Variants in ABCC2 observed in about 807,000 individuals in gnomAD.
ABCC2 encodes ATP-binding cassette sub-family C member 2.
ABCC2 carries 157 observed loss-of-function variants against 173.4 expected under a neutral mutation model. That is an observed-to-expected ratio of 0.91 (90% CI 0.80 to 1.03). ABCC2 has a LOEUF of 1.03. Among genes scored for constraint, ABCC2 ranks in the 50% least tolerant of loss-of-function variants. The probability of loss-of-function intolerance (pLI) is 0.00; values close to 1 mark genes in which losing one functional copy is unlikely to be tolerated. For missense variants in ABCC2, 1,822 were observed against 1,852.3 expected (o/e 0.98, Z 0.30); for synonymous variants, 657 against 693.5 (o/e 0.95, Z 0.83).
At chr10:99,851,380 T>C in intron 31 of ABCC2, 122 bp from the exon 32 acceptor site, 1 of 1,145,964 alleles carries the variant, frequency 8.7e-7, no homozygotes, top group South Asian at 1.2e-5. Flanking sequence ...TGTGGCTCAT[T>C]GATTTTCACT....
Position 99,819,093 on chromosome 10 carries a change from G to T in ABCC2, c.2444G>T (p.Arg815Leu). ...AACTTCATATTATTTTTATAGACTC[G>T]ACTCTTGGTTACACATAGCATGCAC... is the stretch of plus-strand genomic sequence containing the variant. Reference protein sequence around the residue: ...GPNGLLKGKTRLLVTHSMHFL... With the variant: ...GPNGLLKGKTLLLVTHSMHFL... The change falls in exon 19 of 32, where the codon CGA (arginine) becomes CTA (leucine). Residue 815 changes from arginine (R) to leucine (L), a missense_variant. Coordinates refer to ENST00000647814, the MANE Select transcript of ABCC2 (RefSeq NM_000392.5). 6.2e-7 allele frequency: 1 copy of T among 1,613,954 alleles called. No individual in the cohort carries two copies. Among genetic ancestry groups the T allele is most frequent in the South Asian group, 1.1e-5 (1 of 91,032 alleles).
chr10:99,796,630 AGCCAAGATTGC>A (rs1410716089), intron 6 of ABCC2, among the ~76,000 whole-genome samples: 4 of 152,174 alleles, frequency 2.6e-5, no homozygotes, highest in Non-Finnish European at 5.9e-5. Context: ...GGTTGCGGTG[AGCCAAGATTGC>A]GCTACTGCAC....
At chr10:99,818,262 A>G (rs931969229) in intron 17 of ABCC2, among the ~76,000 whole-genome samples, 2 of 152,108 alleles carry the variant, frequency 1.3e-5, no homozygotes, top group African/African-American at 4.8e-5. Flanking sequence ...TGTATTTATT[A>G]TATAGATCTA....
chr10:99,801,747 T>C (rs924566298), intron 9 of ABCC2, among the ~76,000 whole-genome samples: 3 of 152,246 alleles, frequency 2.0e-5, no homozygotes, highest in Admixed American at 6.5e-5. Context: ...TTCCTTTTTT[T>C]CTTCCATCAC....
intron 2 of ABCC2, among the ~76,000 whole-genome samples, chr10:99,792,009 T>A: frequency 6.6e-6 from 1 of 152,244 alleles, no homozygotes; most frequent in Non-Finnish European, 1.5e-5. Flanking sequence ...TCTGCAGACA[T>A]ATTTTAAAAC....
At chr10:99,812,540 AC>A (rs1248515857) in intron 15 of ABCC2, among the ~76,000 whole-genome samples, 1 of 152,226 alleles carries the variant, frequency 6.6e-6, no homozygotes, top group Non-Finnish European at 1.5e-5. Context: ...GTTCCAGGTG[AC>A]ACATTTAGTA....
chr10:99,827,354 C>A (rs1477245458), intron 19 of ABCC2, among the ~76,000 whole-genome samples: 1 of 152,126 alleles, frequency 6.6e-6, no homozygotes, highest in Non-Finnish European at 1.5e-5. Context: ...GATATATCAC[C>A]TCCTGTAATT....
intron 13 of ABCC2, among the ~76,000 whole-genome samples, chr10:99,809,039 G>A (rs1263498828): frequency 6.6e-6 from 1 of 152,126 alleles, no homozygotes; most frequent in East Asian, 1.9e-4. Context: ...CTGCATTCCT[G>A]GTCCTCAGGA....
intron 8 of ABCC2, among the ~76,000 whole-genome samples, chr10:99,799,979 A>G (rs1014094934): frequency 6.6e-6 from 1 of 152,214 alleles, no homozygotes; most frequent in Non-Finnish European, 1.5e-5. Flanking sequence ...AGGCAGGAAG[A>G]TTGTTTCAGG....
chr10:99,815,638 C>T (rs2038395540), intron 16 of ABCC2, among the ~76,000 whole-genome samples: 1 of 152,084 alleles, frequency 6.6e-6, no homozygotes, highest in Non-Finnish European at 1.5e-5. Flanking sequence ...AGAGGAGTAT[C>T]TATAGATTTT....
chr10:99,844,178 C>T (rs2038983525), intron 27 of ABCC2, 144 bp from the exon 28 acceptor site: 3 of 999,032 alleles, frequency 3.0e-6, no homozygotes, highest in African/African-American at 1.6e-5. Flanking sequence ...AAGTGCAAGT[C>T]TAGTTCAGCC....
chr10:99,820,409 C>A (rs202226998), intron 19 of ABCC2, among the ~76,000 whole-genome samples: 7 of 126,002 alleles, frequency 5.6e-5, no homozygotes, highest in African/African-American at 1.6e-4. Flanking sequence ...CACACACACA[C>A]AAAACACAAC....
At chr10:99,789,195 T>G (rs186786326) in intron 2 of ABCC2, 23 of 152,392 alleles carry the variant, frequency 1.5e-4, no homozygotes, top group African/African-American at 4.6e-4. Context: ...AGTTTTACTC[T>G]GGGACTAGTG....
chr10:99,797,659 A>G (rs2037941894), intron 7 of ABCC2: 1 of 347,216 alleles, frequency 2.9e-6, no homozygotes, highest in Admixed American at 4.1e-5. Context: ...ACTTGAAAAT[A>G]TTTATTGAGC....
At position 99,804,090 on chromosome 10, in the gene ABCC2, T is replaced by G; in HGVS notation, c.1281T>G (p.Asp427Glu). 1 of 1,614,202 alleles carries G rather than the reference T, an allele frequency of 6.2e-7. No homozygotes were observed. ...VGETVNLMSV[D>E]AQKLMDVTNF... ...AAACAGTGAACCTGATGTCTGTGGATGCCCAGAAGCTCATGGATGTGACCA... is the reference window on the plus strand; with the variant it reads ...AAACAGTGAACCTGATGTCTGTGGAGGCCCAGAAGCTCATGGATGTGACCA... Residue 427 changes from aspartate to glutamate, a missense_variant, in exon 10 of 32, where the codon GAT (aspartate) becomes GAG (glutamate). Physicochemically the swap from Asp to Glu is conservative, Grantham distance 45 (BLOSUM62 2). Transcript: ENST00000647814.
intron 24 of ABCC2, among the ~76,000 whole-genome samples, chr10:99,835,309 G>A (rs746250757): frequency 2.2e-4 from 33 of 152,102 alleles, no homozygotes; most frequent in Non-Finnish European, 4.3e-4. Context: ...TCACCATAGC[G>A]GCCTTTTAAC....
Position 99,797,131 on chromosome 10 carries a change from C to T in ABCC2, c.667C>T (p.Leu223Phe). 2 of 1,614,148 alleles carry T rather than the reference C, an allele frequency of 1.2e-6. No homozygotes were observed. The highest frequency in any genetic ancestry group is 2.7e-5 in the African/African-American group (2 of 75,036). ...GAAAGGCTACAAGCGTCCTCTGACA[C>T]TCGAGGATGTCTGGGAAGTTGATGA... is the stretch of plus-strand genomic sequence containing the variant. ...ILKGYKRPLT[L>F]EDVWEVDEEM... Residue 223 changes from leucine (L) to phenylalanine (F), a missense_variant, in exon 7 of 32, where the codon CTC (leucine) becomes TTC (phenylalanine). Leu to Phe is a conservative substitution (Grantham distance 22). Transcript: ENST00000647814.
At chr10:99,785,558 C>G (rs938535906) in intron 2 of ABCC2, among the ~76,000 whole-genome samples, 1 of 152,062 alleles carries the variant, frequency 6.6e-6, no homozygotes, top group African/African-American at 2.4e-5. Context: ...ACTCTGTTGC[C>G]CAGGCTGGAG....
intron 6 of ABCC2, among the ~76,000 whole-genome samples, chr10:99,794,887 TC>T (rs1474768791): frequency 6.6e-6 from 1 of 152,190 alleles, no homozygotes; most frequent in African/African-American, 2.4e-5. Context: ...CCATTTCTCT[TC>T]TACTTAGAGT....
Sources: allele counts gnomAD v4.1 joint callset (sites outside exome capture counted in the v4.1 genomes callset), GRCh38; gene constraint gnomAD v4.1.1; transcripts MANE v1.5; gene names NCBI Gene and HGNC (gene_info 2026-07-23, HGNC 2026-07-21).